Variants in EVI5 observed in about 807,000 individuals in gnomAD.
EVI5 encodes ecotropic viral integration site 5.
Under a neutral mutation model 112.0 loss-of-function variants are expected in EVI5, and 73 were observed. That is an observed-to-expected ratio of 0.65 (90% CI 0.54 to 0.79). The LOEUF is 0.79. Among genes scored for constraint, EVI5 ranks in the 30% least tolerant of loss-of-function variants. The probability of loss-of-function intolerance (pLI) is 0.00; values close to 1 mark genes in which losing one functional copy is unlikely to be tolerated. For missense variants in EVI5, 900 were observed against 968.8 expected (o/e 0.93, Z 0.94); for synonymous variants, 305 against 319.9 (o/e 0.95, Z 0.50).
intron 19 of EVI5, among the ~76,000 whole-genome samples, chr1:92,542,061 C>A (rs1202897350): frequency 6.6e-6 from 1 of 152,118 alleles, no homozygotes; most frequent in African/African-American, 2.4e-5. Context: ...CCTCACTCGG[C>A]CTTGCATGAA....
intron 19 of EVI5, among the ~76,000 whole-genome samples, chr1:92,563,210 G>A (rs1668901499): frequency 1.3e-5 from 2 of 151,896 alleles, no homozygotes; most frequent in African/African-American, 4.8e-5. Flanking sequence ...ATCCTTTTTT[G>A]CAATCTCAGT....
intron 19 of EVI5, among the ~76,000 whole-genome samples, chr1:92,515,909 C>T (rs1013134094): frequency 1.3e-5 from 2 of 152,182 alleles, no homozygotes; most frequent in African/African-American, 4.8e-5. Flanking sequence ...AGACCTTCAA[C>T]TATATTCCTG....
chr1:92,603,423 G>C (rs191140823), intron 18 of EVI5, among the ~76,000 whole-genome samples: 1 of 152,220 alleles, frequency 6.6e-6, no homozygotes, highest in Admixed American at 6.5e-5. Context: ...ATTCACAATA[G>C]CTCAAACATG....
chr1:92,572,159 A>G (rs553023163), intron 18 of EVI5, among the ~76,000 whole-genome samples: 1 of 152,276 alleles, frequency 6.6e-6, no homozygotes, highest in East Asian at 1.9e-4. Context: ...CTTTGTATGT[A>G]TGAGGTTCTT....
At chr1:92,727,846 T>C (rs1675815277) in intron 2 of EVI5, among the ~76,000 whole-genome samples, 1 of 151,788 alleles carries the variant, frequency 6.6e-6, no homozygotes, top group South Asian at 2.1e-4. Flanking sequence ...TGGGACCCCA[T>C]CTCTTAAAAA....
chr1:92,559,204 A>T (rs1668137462), intron 19 of EVI5, among the ~76,000 whole-genome samples: 1 of 152,208 alleles, frequency 6.6e-6, no homozygotes, highest in Non-Finnish European at 1.5e-5. Context: ...AAATTTGTAG[A>T]TGTTCAGTAC....
Position 92,662,776 on chromosome 1 carries a change from A to G in EVI5, c.1335T>C (p.Ser445=), listed in dbSNP as rs952300427. ...TATTTTCAGCTTGCTCCAGCTTAGC[A>G]CTGGCCTCATCACTCTGCTGTTTGA... ...ATIKQQSDEA[S]AKLEQAENTI... Residue 445 remains serine, a synonymous_variant, in exon 13 of 20, where the codon AGT becomes AGC. Transcript: ENST00000684568. 2.6e-5 allele frequency: 33 copies of G among 1,289,350 alleles called. No individual in the cohort carries two copies. Among genetic ancestry groups the G allele is most frequent in the Non-Finnish European group, 3.3e-5 (33 of 988,724 alleles). The allele number at this position is 1,289,350 out of a possible 1,614,324, so 79.9% of individuals were successfully genotyped here.
In EVI5 at chr1:92,767,364, ACT is replaced by A. The variant is rs546253173; in HGVS notation, c.-82+17470_-82+17471del. ...TTACTGTGCCTAATTTATAAATAAA[ACT>A]CTATCATAGGTAGGTATGAACAGGT... is the stretch of plus-strand genomic sequence containing the variant. On this transcript the variant is annotated intron_variant, in intron 1 of 19. Coordinates refer to ENST00000684568, the MANE Select transcript of EVI5 (RefSeq NM_001350197.2). Among the ~76,000 whole-genome samples, 42 of 152,158 alleles carry A rather than the reference ACT, an allele frequency of 2.8e-4. No individual in the cohort carries two copies. In the South Asian group the frequency reaches 5.6e-3, roughly 20 times the overall value.
intron 19 of EVI5, among the ~76,000 whole-genome samples, chr1:92,554,934 T>C (rs1225503163): frequency 6.6e-6 from 1 of 152,162 alleles, no homozygotes; most frequent in Non-Finnish European, 1.5e-5. Flanking sequence ...TGAGTGGTGA[T>C]GGCACCACTG....
chr1:92,733,699 A>T (rs1335126360), intron 2 of EVI5, among the ~76,000 whole-genome samples: 1 of 152,132 alleles, frequency 6.6e-6, no homozygotes, highest in Non-Finnish European at 1.5e-5. Flanking sequence ...GGCGTGAGAC[A>T]CAGCACCCGG....
intron 1 of EVI5, among the ~76,000 whole-genome samples, chr1:92,781,267 G>A (rs2103102321): frequency 6.6e-6 from 1 of 152,270 alleles, no homozygotes; most frequent in Non-Finnish European, 1.5e-5. Flanking sequence ...AGCACTTTGG[G>A]AAGCCGAAGA....
chr1:92,523,186 T>C (rs1315172405), intron 19 of EVI5, among the ~76,000 whole-genome samples: 1 of 152,182 alleles, frequency 6.6e-6, no homozygotes, highest in Non-Finnish European at 1.5e-5. Flanking sequence ...CCACGGTGCC[T>C]GGCCTTTAAC....
Position 92,769,692 on chromosome 1 carries a change from G to A in EVI5, c.-82+15144C>T, listed in dbSNP as rs553792054. 2.0e-5 allele frequency among the ~76,000 whole-genome samples: 3 copies of A among 152,162 alleles called. No individual in the cohort carries two copies. The East Asian group carries it at 5.8e-4, about 29-fold the overall frequency. On this transcript the variant is annotated intron_variant, in intron 1 of 19. Coordinates refer to ENST00000684568, the MANE Select transcript of EVI5 (RefSeq NM_001350197.2). ...CAAGGTCAGATCAAGACCATCCTGG[G>A]TAACATGGTGAAACCTCGTCTCTAC... is the stretch of plus-strand genomic sequence containing the variant.
chr1:92,543,236 T>C (rs1456725530), intron 19 of EVI5, among the ~76,000 whole-genome samples: 2 of 152,160 alleles, frequency 1.3e-5, no homozygotes, highest in Non-Finnish European at 2.9e-5. Context: ...TCTGGATAAC[T>C]TGCTGCAGTT....
chr1:92,632,665 C>G (rs1657450861), intron 14 of EVI5, among the ~76,000 whole-genome samples: 1 of 152,142 alleles, frequency 6.6e-6, no homozygotes, highest in Admixed American at 6.5e-5. Context: ...TTTTATGTCT[C>G]TATTTCCTTC....
intron 18 of EVI5, among the ~76,000 whole-genome samples, chr1:92,575,509 T>C (rs1670919655): frequency 6.6e-6 from 1 of 151,928 alleles, no homozygotes; most frequent in Admixed American, 6.6e-5. Flanking sequence ...ATGGTTACAT[T>C]TTGTTATTAT....
At chr1:92,661,705 A>G (rs892284027) in intron 13 of EVI5, among the ~76,000 whole-genome samples, 1 of 152,008 alleles carries the variant, frequency 6.6e-6, no homozygotes, top group Admixed American at 6.5e-5. Context: ...AAAAAAAAAG[A>G]TGTTTATGAC....
intron 16 of EVI5, among the ~76,000 whole-genome samples, chr1:92,622,570 A>G (rs1316827294): frequency 6.6e-6 from 1 of 152,212 alleles, no homozygotes; most frequent in African/African-American, 2.4e-5. Flanking sequence ...ACATGGACAA[A>G]TTTCTTAATC....
chr1:92,571,288 T>A (rs960825605), intron 18 of EVI5, among the ~76,000 whole-genome samples: 4 of 150,040 alleles, frequency 2.7e-5, no homozygotes, highest in African/African-American at 9.8e-5. Flanking sequence ...CAGTAACCCC[T>A]GGGCAAGAAA....
Sources: gnomAD v4.1 joint callset for allele counts (sites outside exome capture counted in the v4.1 genomes callset) on GRCh38, gnomAD v4.1.1 for gene constraint, MANE v1.5 for transcripts, NCBI Gene and HGNC (gene_info 2026-07-23, HGNC 2026-07-21) for gene names.